The following XIRP2 variants were observed in gnomAD, a reference collection of about 807,000 sequenced individuals.
The protein encoded by XIRP2 is xin actin-binding repeat-containing protein 2.
In XIRP2, 236 loss-of-function variants were observed where a neutral mutation model predicts 277.0. That is an observed-to-expected ratio of 0.85 (90% CI 0.77 to 0.95). XIRP2 has a LOEUF of 0.95. Among genes scored for constraint, XIRP2 ranks in the 40% least tolerant of loss-of-function variants. The pLI, the probability that XIRP2 is intolerant of heterozygous loss-of-function variation, is 0.00. For synonymous variants in XIRP2, 1,490 were observed against 1,416.5 expected, an observed-to-expected ratio of 1.05 and a Z score of -1.17; for missense variants, 4,640 against 4,157.5, an observed-to-expected ratio of 1.12 and a Z score of -3.19.
chr2:167,039,927 T>C (rs1415714516), intron 2 of XIRP2, among the ~76,000 whole-genome samples: 1 of 152,060 alleles, frequency 6.6e-6, no homozygotes, highest in Non-Finnish European at 1.5e-5. Flanking sequence ...AGCCAAAAAA[T>C]CAATATACAT....
chr2:167,091,112 TGAATGTGAGCTG>T (rs1206321114), intron 2 of XIRP2, among the ~76,000 whole-genome samples: 1 of 152,206 alleles, frequency 6.6e-6, no homozygotes, highest in Non-Finnish European at 1.5e-5. Flanking sequence ...GTTACTTCTT[TGAATGTGAGCTG>T]GAATGCTACT....
At chr2:167,220,605 G>A (rs1196929863) in intron 5 of XIRP2, among the ~76,000 whole-genome samples, 1 of 152,148 alleles carries the variant, frequency 6.6e-6, no homozygotes, top group Non-Finnish European at 1.5e-5. Flanking sequence ...CCCCCAGGTT[G>A]TAGCAAAAGG....
At position 167,046,121 on chromosome 2, in the gene XIRP2, A is replaced by G. The variant is rs867608831; in HGVS notation, c.409-89788A>G. Among the ~76,000 whole-genome samples the G allele has an allele frequency of 3.3e-5, 5 of 152,132 alleles. No individual in the cohort carries two copies. The South Asian group carries it at 8.3e-4, about 25-fold the overall frequency. On this transcript the variant is annotated intron_variant, in intron 2 of 10. Coordinates refer to ENST00000409195, the MANE Select transcript of XIRP2 (RefSeq NM_152381.6). ...TAGGTATTTTATTCTTTTGGTGGCT[A>G]TTATGCATGGAATTACATTCTTGAT...
intron 3 of XIRP2, among the ~76,000 whole-genome samples, chr2:167,153,808 T>C (rs1692096849): frequency 6.7e-6 from 1 of 150,290 alleles, no homozygotes; most frequent in African/African-American, 2.5e-5. Context: ...CAATCTATCA[T>C]TGTTGGACAT....
intron 2 of XIRP2, among the ~76,000 whole-genome samples, chr2:167,055,255 G>A (rs1689012610): frequency 6.6e-6 from 1 of 152,068 alleles, no homozygotes; most frequent in African/African-American, 2.4e-5. Flanking sequence ...GAGAACTGAG[G>A]GGAAAAAAGT....
chr2:167,228,384 C>G (rs1028323495), intron 5 of XIRP2, among the ~76,000 whole-genome samples: 2 of 152,140 alleles, frequency 1.3e-5, no homozygotes, highest in African/African-American at 4.8e-5. Flanking sequence ...CCTCCTTCCC[C>G]TATGGGAACA....
chr2:166,958,492 G>A (rs1047087194), intron 2 of XIRP2, among the ~76,000 whole-genome samples: 1 of 151,716 alleles, frequency 6.6e-6, no homozygotes, highest in Non-Finnish European at 1.5e-5. Context: ...GGGGTTTGGA[G>A]CCCTAGTACC....
intron 2 of XIRP2, among the ~76,000 whole-genome samples, chr2:167,018,623 C>T (rs973719493): frequency 6.6e-6 from 1 of 151,952 alleles, no homozygotes; most frequent in East Asian, 1.9e-4. Flanking sequence ...CAAATAAGTA[C>T]CCCCAGGGCA....
intron 2 of XIRP2, among the ~76,000 whole-genome samples, chr2:166,938,823 A>G (rs1398886635): frequency 6.6e-6 from 1 of 152,050 alleles, no homozygotes; most frequent in Non-Finnish European, 1.5e-5. Flanking sequence ...CTCTTGTTGA[A>G]TGGATCCCTT....
intron 2 of XIRP2, among the ~76,000 whole-genome samples, chr2:166,934,788 A>C (rs974525045): frequency 4.6e-5 from 7 of 152,092 alleles, no homozygotes; most frequent in Non-Finnish European, 7.4e-5. Flanking sequence ...TGATGTGGGC[A>C]AATCACTTGA....
intron 3 of XIRP2, among the ~76,000 whole-genome samples, chr2:167,149,833 T>TA (rs1340101344): frequency 3.3e-5 from 5 of 151,638 alleles, no homozygotes; most frequent in Non-Finnish European, 5.9e-5. Flanking sequence ...GTTAAAGTAC[T>TA]AAAAAAAAGA....
At chr2:167,202,373 A>G (rs999061888) in intron 3 of XIRP2, among the ~76,000 whole-genome samples, 22 of 152,236 alleles carry the variant, frequency 1.4e-4, no homozygotes, top group Admixed American at 1.4e-3. Context: ...TTCTTAATTC[A>G]TAACTGCTCT....
At chr2:166,946,300 T>C (rs1203922653) in intron 2 of XIRP2, among the ~76,000 whole-genome samples, 2 of 152,204 alleles carry the variant, frequency 1.3e-5, no homozygotes, top group Non-Finnish European at 2.9e-5. Context: ...CTTCAGTTGT[T>C]GGATATAAGT....
At chr2:166,914,624 G>A (rs1684813014) in intron 2 of XIRP2, among the ~76,000 whole-genome samples, 1 of 152,164 alleles carries the variant, frequency 6.6e-6, no homozygotes, top group Non-Finnish European at 1.5e-5. Context: ...TTACAGGCGT[G>A]AGCCAACACA....
At chr2:166,910,960 G>C (rs1012117088) in intron 2 of XIRP2, among the ~76,000 whole-genome samples, 1 of 152,180 alleles carries the variant, frequency 6.6e-6, no homozygotes, top group African/African-American at 2.4e-5. Flanking sequence ...TAGTTTGATT[G>C]CACTGTGGTC....
At chr2:167,127,047 C>T (rs1691226378) in intron 2 of XIRP2, among the ~76,000 whole-genome samples, 1 of 152,124 alleles carries the variant, frequency 6.6e-6, no homozygotes, top group African/African-American at 2.4e-5. Flanking sequence ...CCTAAGCCAA[C>T]TCTCTTCTAT....
intron 2 of XIRP2, among the ~76,000 whole-genome samples, chr2:166,951,633 A>G (rs1199906896): frequency 6.6e-6 from 1 of 151,712 alleles, no homozygotes; most frequent in Non-Finnish European, 1.5e-5. Flanking sequence ...ATTTTTTTTG[A>G]TTTTCTTTTG....
chr2:167,146,508 A>AG (rs1404057017), intron 3 of XIRP2, among the ~76,000 whole-genome samples: 1 of 151,034 alleles, frequency 6.6e-6, no homozygotes, highest in African/African-American at 2.4e-5. Flanking sequence ...CTCAAAAAAA[A>AG]AAGAAAGAAA....
At chr2:166,922,780 C>T (rs1018036300) in intron 2 of XIRP2, among the ~76,000 whole-genome samples, 2 of 150,660 alleles carry the variant, frequency 1.3e-5, no homozygotes, top group Non-Finnish European at 3.0e-5. Context: ...AGTAAGCAAA[C>T]TAGAAATCCA....
Sources: allele counts gnomAD v4.1 joint callset (sites outside exome capture counted in the v4.1 genomes callset), GRCh38; gene constraint gnomAD v4.1.1; transcripts MANE v1.5; gene names NCBI Gene and HGNC (gene_info 2026-07-23, HGNC 2026-07-21).